DIP2B: variants seen among roughly 807,000 people sequenced by gnomAD.
DIP2B encodes disco-interacting protein 2 homolog B.
DIP2B carries 76 observed loss-of-function variants against 198.0 expected under a neutral mutation model. The ratio of observed to expected loss-of-function variants is 0.38; its 90% CI spans 0.32 to 0.46. The LOEUF is 0.46. Ranked by LOEUF, DIP2B falls within the 20% of genes least tolerant of loss-of-function variation. The pLI is 0.99. For missense variants in DIP2B, 1,559 were observed against 1,978.4 expected, an observed-to-expected ratio of 0.79 and a Z score of 4.02; for synonymous variants, 701 against 739.1, an observed-to-expected ratio of 0.95 and a Z score of 0.84.
intron 16 of DIP2B, among the ~76,000 whole-genome samples, chr12:50,696,713 C>T (rs1939318716): frequency 6.6e-6 from 1 of 152,210 alleles, no homozygotes. Context: ...TATTAAATTG[C>T]ACTGGCTATG....
At position 50,597,527 on chromosome 12, in the gene DIP2B, A is replaced by G. The variant is rs1295541336; in HGVS notation, c.101-28449A>G. ...CCATTAGGTGGTGCTGAGCCCTTCT[A>G]TGCATGGAGGAGCGTTAATACAAAC... is the stretch of plus-strand genomic sequence containing the variant. On this transcript the variant is annotated intron_variant, in intron 1 of 37. Transcript: ENST00000301180. Among the ~76,000 whole-genome samples the G allele has an allele frequency of 3.3e-5, 5 of 152,206 alleles. 1 individual carries two copies. The highest frequency in any genetic ancestry group is 1.2e-4 in the African/African-American group (5 of 41,460).
chr12:50,715,798 C>A (rs1243323382), intron 23 of DIP2B, among the ~76,000 whole-genome samples: 1 of 152,156 alleles, frequency 6.6e-6, no homozygotes, highest in Non-Finnish European at 1.5e-5. Flanking sequence ...AGTCTTTATT[C>A]CAGGCATGTG....
At chr12:50,579,820 A>G (rs1425095529) in intron 1 of DIP2B, among the ~76,000 whole-genome samples, 1 of 150,158 alleles carries the variant, frequency 6.7e-6, no homozygotes, top group Non-Finnish European at 1.5e-5. Context: ...TTCTGACTCA[A>G]CTGTATTTCC....
intron 1 of DIP2B, among the ~76,000 whole-genome samples, chr12:50,517,769 C>T (rs1412936039): frequency 6.6e-6 from 1 of 152,132 alleles, no homozygotes; most frequent in East Asian, 1.9e-4. Context: ...CTTTTTTTCA[C>T]TTGTATGCTT....
At chr12:50,509,778 T>C (rs1413254399) in intron 1 of DIP2B, among the ~76,000 whole-genome samples, 1 of 152,212 alleles carries the variant, frequency 6.6e-6, no homozygotes, top group Non-Finnish European at 1.5e-5. Flanking sequence ...GCTTTACCTA[T>C]CATGGGAAAC....
At chr12:50,526,626 C>CTTTTTTTTTTT (rs11423846) in intron 1 of DIP2B, among the ~76,000 whole-genome samples, 3 of 64,194 alleles carry the variant, frequency 4.7e-5, no homozygotes, top group African/African-American at 2.1e-4. Flanking sequence ...TTTCCTCTGC[C>CTTTTTTTTTTT]TTTTTTTTTT....
rs781104260 is a variant in DIP2B at position 50,741,486 on chromosome 12, C to A, written c.4425C>A (p.His1475Gln). The A allele has an allele frequency of 1.2e-6, 2 of 1,614,180 alleles. No homozygotes were observed. The highest frequency in any genetic ancestry group is 1.7e-6 in the Non-Finnish European group (2 of 1,180,018). The change falls in exon 37 of 38, where the codon CAC becomes CAA. Residue 1475 changes from histidine (H) to glutamine (Q), a missense_variant. Physicochemically the swap from His to Gln is conservative, Grantham distance 24 (BLOSUM62 0). Transcript: ENST00000301180. Reference sequence around the variant, plus strand: ...TGGAGCTGAGAGGATTACGATACCACCCAATTGATATTGAGACCTCGGTGT... The same window carrying A: ...TGGAGCTGAGAGGATTACGATACCAACCAATTGATATTGAGACCTCGGTGT... ...ETLELRGLRY[H>Q]PIDIETSVSR...
chr12:50,693,096 G>A (rs1939248844), intron 14 of DIP2B, 83 bp downstream of exon 14: 3 of 1,324,408 alleles, frequency 2.3e-6, no homozygotes, highest in Admixed American at 4.8e-5. Flanking sequence ...GCATCTCTCA[G>A]TGCTTGTTTG....
chr12:50,554,137 T>C (rs1448094416), intron 1 of DIP2B, among the ~76,000 whole-genome samples: 1 of 152,146 alleles, frequency 6.6e-6, no homozygotes, highest in Non-Finnish European at 1.5e-5. Context: ...TTTTACTTCC[T>C]TAACTGATTC....
At chr12:50,511,247 G>T (rs1041023459) in intron 1 of DIP2B, among the ~76,000 whole-genome samples, 1 of 137,884 alleles carries the variant, frequency 7.3e-6, no homozygotes, top group East Asian at 2.3e-4. Context: ...CCAGGCTCAA[G>T]TACCACCTTT....
chr12:50,568,841 A>C (rs1422610307), intron 1 of DIP2B, among the ~76,000 whole-genome samples: 2 of 152,216 alleles, frequency 1.3e-5, no homozygotes, highest in African/African-American at 2.4e-5. Context: ...TATTCCAAAA[A>C]AGTTGCAGGA....
At chr12:50,578,454 C>T (rs1272257128) in intron 1 of DIP2B, among the ~76,000 whole-genome samples, 1 of 151,458 alleles carries the variant, frequency 6.6e-6, no homozygotes. Context: ...CAAAAAACCA[C>T]GCCTGGCCCT....
chr12:50,577,400 G>A (rs1958672395), intron 1 of DIP2B, among the ~76,000 whole-genome samples: 2 of 152,070 alleles, frequency 1.3e-5, no homozygotes, highest in South Asian at 4.1e-4. Context: ...CAGGCGTGGT[G>A]GCGGGCCCCT....
chr12:50,671,288 G>A lies in DIP2B; in HGVS notation c.530G>A (p.Arg177His), dbSNP rs900549141. ...SLQNAESWIN[R>H]SIQGSSTSSS... is the part of the protein sequence containing the mutation. Reference sequence around the variant, plus strand: ...CAGAATGCTGAGTCCTGGATCAACCGTTCAATTCAGGGATCGTCCACTTCT... The same window carrying A: ...CAGAATGCTGAGTCCTGGATCAACCATTCAATTCAGGGATCGTCCACTTCT... Residue 177 changes from arginine (R) to histidine (H), a missense_variant, in exon 5 of 38, where the codon CGT (arginine) becomes CAT (histidine). Coordinates refer to ENST00000301180, the MANE Select transcript of DIP2B (RefSeq NM_173602.3). 10 of 1,614,128 alleles carry A rather than the reference G, an allele frequency of 6.2e-6. No homozygotes were observed. Among genetic ancestry groups the A allele is most frequent in the Non-Finnish European group, 7.6e-6 (9 of 1,180,032 alleles).
rs1318485102 is a variant in DIP2B, at chr12:50,723,280, A to G, written c.3245A>G (p.Gln1082Arg). 2 of 1,614,090 alleles carry G rather than the reference A, an allele frequency of 1.2e-6. No homozygotes were observed. The highest frequency in any genetic ancestry group is 2.7e-5 in the African/African-American group (2 of 74,928). Reference protein sequence around the residue: ...IPVTVRPPHAQNLTATLPTVR... With the variant: ...IPVTVRPPHARNLTATLPTVR... ...GTGACCGTCAGACCTCCACATGCTCAGAACCTCACGGCCACGCTGCCCACT... is the reference window on the plus strand; with the variant it reads ...GTGACCGTCAGACCTCCACATGCTCGGAACCTCACGGCCACGCTGCCCACT... Residue 1082 changes from glutamine (Q) to arginine (R), a missense_variant, in exon 27 of 38, where the codon CAG becomes CGG. Physicochemically the swap from Gln to Arg is conservative, Grantham distance 43. Transcript: ENST00000301180.
chr12:50,718,731 G>T lies in DIP2B; in HGVS notation c.2874G>T (p.Met958Ile). 6.2e-7 allele frequency: 1 copy of T among 1,614,148 alleles called. No individual in the cohort carries two copies. The highest frequency in any genetic ancestry group is 8.5e-7 in the Non-Finnish European group (1 of 1,180,014). Residue 958 changes from methionine to isoleucine, a missense_variant, in exon 24 of 38, where the codon ATG (methionine) becomes ATT (isoleucine). By Grantham distance (10) the Met-to-Ile change is conservative. Transcript: ENST00000301180. ...CAGGTGTAGGCCCTGCTTCCGTGAT[G>T]GTTGGGAATCTGGTTGCTGGAAAAC... ...KQPGVGPASVMVGNLVAGKRI... is the reference protein window; with the variant it reads ...KQPGVGPASVIVGNLVAGKRI...
chr12:50,572,420 A>G (rs1958622678), intron 1 of DIP2B, among the ~76,000 whole-genome samples: 1 of 152,186 alleles, frequency 6.6e-6, no homozygotes, highest in Non-Finnish European at 1.5e-5. Context: ...TGCTAGGGAG[A>G]GAGTTAAGGG....
intron 12 of DIP2B, among the ~76,000 whole-genome samples, chr12:50,687,767 C>T (rs751419984): frequency 6.6e-6 from 1 of 151,840 alleles, no homozygotes; most frequent in Non-Finnish European, 1.5e-5. Flanking sequence ...ATCATTAGGA[C>T]AAATACCTAA....
intron 1 of DIP2B, among the ~76,000 whole-genome samples, chr12:50,531,348 A>G (rs972137420): frequency 6.6e-6 from 1 of 152,190 alleles, no homozygotes; most frequent in Non-Finnish European, 1.5e-5. Flanking sequence ...GCACCCAGCC[A>G]AGGAGAGCAT....
Sources: gnomAD v4.1 joint callset for allele counts (sites outside exome capture counted in the v4.1 genomes callset) on GRCh38, gnomAD v4.1.1 for gene constraint, MANE v1.5 for transcripts, NCBI Gene and HGNC (gene_info 2026-07-23, HGNC 2026-07-21) for gene names.